BANK1: variants seen among roughly 807,000 people sequenced by gnomAD.
BANK1 encodes the protein B-cell scaffold protein with ankyrin repeats.
BANK1 carries 95 observed loss-of-function variants against 94.5 expected under a neutral mutation model. The observed-to-expected ratio is 1.00, with a 90% CI of 0.85 to 1.19. BANK1 has a LOEUF of 1.19. Ranked by LOEUF, BANK1 falls within the 50% of genes most tolerant of loss-of-function variation. The pLI is 0.00. For missense variants in BANK1, 987 were observed against 932.2 expected (o/e 1.06, Z -0.77); for synonymous variants, 334 against 308.4 (o/e 1.08, Z -0.87).
chr4:102,021,526 G>C lies in BANK1; in HGVS notation c.1219G>C (p.Asp407His), dbSNP rs1015159191. The stretch of plus-strand genomic sequence containing the variant: ...ACATTTTTTTCAGATCCAAGAAATT[G>C]ACATAAATAATGAGCAAGAAAATGA... ...IFEDFSIQEI[D>H]INNEQENDYE... is the part of the protein sequence containing the mutation. The change falls in exon 8 of 17, where the codon GAC becomes CAC. Residue 407 changes from aspartate to histidine, a missense_variant. Coordinates refer to ENST00000322953, the MANE Select transcript of BANK1 (RefSeq NM_017935.5). 8 of 1,438,910 alleles carry C rather than the reference G, an allele frequency of 5.6e-6. No homozygotes were observed. The highest frequency in any genetic ancestry group is 4.7e-6 in the Non-Finnish European group (5 of 1,063,556). The allele number at this position is 1,438,910 out of a possible 1,614,324, so 89.1% of individuals were successfully genotyped here.
At chr4:101,999,506 C>T (rs1334766343) in intron 7 of BANK1, among the ~76,000 whole-genome samples, 2 of 152,204 alleles carry the variant, frequency 1.3e-5, no homozygotes, top group Non-Finnish European at 2.9e-5. Context: ...GAATACCTCT[C>T]TTCTCTACTA....
chr4:101,803,946 C>T (rs1287985846), intron 1 of BANK1, among the ~76,000 whole-genome samples: 1 of 123,280 alleles, frequency 8.1e-6, no homozygotes, highest in Non-Finnish European at 1.6e-5. Flanking sequence ...TGCAGTGAGC[C>T]GAGATCCCGC....
chr4:102,043,326 T>C (rs533431644), intron 10 of BANK1, among the ~76,000 whole-genome samples: 1 of 152,080 alleles, frequency 6.6e-6, no homozygotes, highest in African/African-American at 2.4e-5. Context: ...ATGAAGTAAT[T>C]CGAATAAGCT....
intron 2 of BANK1, among the ~76,000 whole-genome samples, chr4:101,841,760 T>C (rs1445252211): frequency 1.4e-5 from 2 of 145,186 alleles, no homozygotes; most frequent in Non-Finnish European, 3.0e-5. Context: ...TATCTCCCAA[T>C]GCTATCCCTC....
In BANK1 at chr4:102,053,261, G is replaced by A. The variant is rs535470910; in HGVS notation, c.1970-6950G>A. ...AGTGGGAAGCTGGAGGATGAATAATGCAGATTGAGTGGGCTCACTATGAGA... is the reference window on the plus strand; with the variant it reads ...AGTGGGAAGCTGGAGGATGAATAATACAGATTGAGTGGGCTCACTATGAGA... On this transcript the variant is annotated intron_variant, in intron 11 of 16. Transcript: ENST00000322953. 5.3e-5 allele frequency among the ~76,000 whole-genome samples: 8 copies of A among 152,280 alleles called. No homozygotes were observed. In the South Asian group the frequency reaches 1.7e-3, roughly 32 times the overall value.
At chr4:101,884,001 G>A (rs6830565) in intron 5 of BANK1, among the ~76,000 whole-genome samples, 52,116 of 151,956 alleles carry the variant, frequency 0.34, 9,226 homozygotes, top group African/African-American at 0.38. Flanking sequence ...TTATAGTACA[G>A]TATCAATAAT....
chr4:101,956,932 A>G (rs1373128947), intron 7 of BANK1, among the ~76,000 whole-genome samples: 1 of 152,220 alleles, frequency 6.6e-6, no homozygotes, highest in Non-Finnish European at 1.5e-5. Flanking sequence ...GGTCCTTGCC[A>G]GAACCCAGTT....
intron 4 of BANK1, among the ~76,000 whole-genome samples, chr4:101,864,041 A>G (rs537666827): frequency 3.5e-4 from 53 of 152,328 alleles, no homozygotes; most frequent in Non-Finnish European, 6.0e-4. Flanking sequence ...AGAAAAGCAG[A>G]AAATGAATAT....
intron 7 of BANK1, among the ~76,000 whole-genome samples, chr4:102,003,607 A>G (rs943217172): frequency 1.3e-5 from 2 of 152,144 alleles, no homozygotes; most frequent in African/African-American, 4.8e-5. Context: ...ACCTAGTTGC[A>G]GAAGTCATAT....
intron 7 of BANK1, among the ~76,000 whole-genome samples, chr4:101,947,284 AATATAT>A (rs36202521): frequency 0.17 from 9,765 of 58,214 alleles, 982 homozygotes; most frequent in Admixed American, 0.36. Context: ...AGAAGTTGTA[AATATAT>A]ATATATATAT....
chr4:101,829,737 A>T, intron 1 of BANK1, 71 bp from the exon 2 acceptor site: 1 of 1,089,410 alleles, frequency 9.2e-7, no homozygotes. Flanking sequence ...GCATATTAAA[A>T]TTTTTGAGAA....
chr4:101,791,651 G>A (rs1334807634), intron 1 of BANK1, among the ~76,000 whole-genome samples: 1 of 152,122 alleles, frequency 6.6e-6, no homozygotes, highest in African/African-American at 2.4e-5. Context: ...ACTTCACTTA[G>A]GTATTAATAT....
At chr4:101,867,620 G>A (rs1366094648) in intron 4 of BANK1, among the ~76,000 whole-genome samples, 1 of 151,930 alleles carries the variant, frequency 6.6e-6, no homozygotes, top group Non-Finnish European at 1.5e-5. Context: ...AGTAATGACA[G>A]CAATATCATA....
At chr4:101,878,401 G>A (rs1483049072) in intron 5 of BANK1, among the ~76,000 whole-genome samples, 2 of 152,184 alleles carry the variant, frequency 1.3e-5, no homozygotes, top group Admixed American at 1.3e-4. Context: ...TTCGGTAACA[G>A]TATATGACAA....
At chr4:101,917,898 T>C in intron 6 of BANK1, 95 bp from the exon 7 acceptor site, 1 of 833,060 alleles carries the variant, frequency 1.2e-6, no homozygotes. Flanking sequence ...CTGTGCTTTA[T>C]GGGAATTACT....
intron 7 of BANK1, among the ~76,000 whole-genome samples, chr4:102,011,064 C>T (rs1726497617): frequency 6.6e-6 from 1 of 152,128 alleles, no homozygotes; most frequent in Non-Finnish European, 1.5e-5. Context: ...TAATTTAAAG[C>T]AATTGTTTTA....
intron 10 of BANK1, 87 bp downstream of exon 10, chr4:102,030,352 A>T: frequency 7.6e-7 from 1 of 1,323,382 alleles, no homozygotes; most frequent in Admixed American, 2.5e-5. Flanking sequence ...GATGCAATTA[A>T]TGCTCTAAAA....
At chr4:102,030,290 C>A in intron 10 of BANK1, 25 bp downstream of exon 10, 1 of 1,532,428 alleles carries the variant, frequency 6.5e-7, no homozygotes, top group Admixed American at 2.2e-5. Flanking sequence ...TGTTTGTTTA[C>A]TTGTTAATTT....
At chr4:102,007,146 T>TATATATATATATATATATA (rs1560682317) in intron 7 of BANK1, among the ~76,000 whole-genome samples, 381 of 37,776 alleles carry the variant, frequency 0.01, 10 homozygotes, top group Middle Eastern at 0.029. Flanking sequence ...AAAATATATT[T>TATATATATATATATATATA]TATATATATA....
Sources: gnomAD v4.1 joint callset for allele counts (sites outside exome capture counted in the v4.1 genomes callset) on GRCh38, gnomAD v4.1.1 for gene constraint, MANE v1.5 for transcripts, NCBI Gene and HGNC (gene_info 2026-07-23, HGNC 2026-07-21) for gene names.